Variants in CLCN5 observed in about 807,000 individuals in gnomAD.
CLCN5 encodes the protein H(+)/Cl(-) exchange transporter 5.
Under a neutral mutation model 54.0 loss-of-function variants are expected in CLCN5, and 17 were observed. The ratio of observed to expected loss-of-function variants is 0.31; its 90% CI spans 0.22 to 0.47. The LOEUF (loss-of-function observed/expected upper bound fraction) is 0.47. Among genes scored for constraint, CLCN5 ranks in the 20% least tolerant of loss-of-function variants. The probability of loss-of-function intolerance (pLI) is 1.00; values close to 1 mark genes in which losing one functional copy is unlikely to be tolerated. For missense variants in CLCN5, 448 were observed against 646.7 expected (o/e 0.69, Z 3.33); for synonymous variants, 222 against 233.0 (o/e 0.95, Z 0.43).
At chrX:50,063,692 C>T (rs1255179446) in intron 4 of CLCN5, among the ~76,000 whole-genome samples, 17 of 106,589 alleles carry the variant, frequency 1.6e-4, no homozygotes, top group South Asian at 4.1e-4. Flanking sequence ...CAAAGCCAGG[C>T]AGAGACACAA....
chrX:50,092,047 G>T (rs1934120386), intron 14 of CLCN5, 82 bp from the exon 15 acceptor site: 9 of 695,408 alleles, frequency 1.3e-5, no homozygotes, highest in Non-Finnish European at 2.0e-5. Context: ...GAAAAGGACT[G>T]AGGAGGACAA....
chrX:50,080,301 CAT>C (rs1202980812), intron 7 of CLCN5, among the ~76,000 whole-genome samples: 3 of 111,407 alleles, frequency 2.7e-5, no homozygotes, highest in Non-Finnish European at 5.6e-5. Context: ...TCAAAGCACT[CAT>C]ATAGAAAGAG....
intron 3 of CLCN5, among the ~76,000 whole-genome samples, chrX:49,939,411 G>C (rs782250913): frequency 4.5e-5 from 5 of 111,107 alleles, no homozygotes; most frequent in Non-Finnish European, 9.4e-5. Context: ...ATGATAGACC[G>C]GATTAAGAAA....
chrX:49,957,928 G>T (rs185663740), intron 3 of CLCN5, among the ~76,000 whole-genome samples: 33 of 109,858 alleles, frequency 3.0e-4, no homozygotes, highest in African/African-American at 1.1e-3. Flanking sequence ...GATACAATCC[G>T]CAGGGCTTAT....
intron 4 of CLCN5, chrX:50,067,611 C>G: frequency 1.3e-6 from 1 of 753,588 alleles, no homozygotes; most frequent in Non-Finnish European, 1.6e-6. Context: ...GCGTTTGTTG[C>G]TGTGAAAGGC....
chrX:50,044,935 A>G (rs1280297996), intron 4 of CLCN5, among the ~76,000 whole-genome samples: 1 of 111,533 alleles, frequency 9.0e-6, no homozygotes, highest in African/African-American at 3.3e-5. Flanking sequence ...CACTGGGGAT[A>G]CAGTGGTGGG....
At chrX:49,974,502 G>A (rs1011402911) in intron 3 of CLCN5, among the ~76,000 whole-genome samples, 5 of 110,289 alleles carry the variant, frequency 4.5e-5, no homozygotes, top group Admixed American at 1.9e-4. Flanking sequence ...ATATTGAAGT[G>A]CACATTTAGC....
chrX:49,960,246 G>C (rs1373647716), intron 3 of CLCN5, among the ~76,000 whole-genome samples: 1 of 110,753 alleles, frequency 9.0e-6, no homozygotes, highest in African/African-American at 3.3e-5. Flanking sequence ...TCCAGACCTA[G>C]ATGGACTTCA....
rs1934165835 is a variant in CLCN5, at chrX:50,093,477, G to A, written c.*1258G>A. 8.9e-6 allele frequency: 1 copy of A among 111,812 alleles called. No individual in the cohort carries two copies. Among genetic ancestry groups the A allele is most frequent in the African/African-American group, 3.3e-5 (1 of 30,630 alleles). The allele number at this position is 111,812 out of a possible 1,213,427, so 9.2% of individuals were successfully genotyped here. A position where few individuals can be genotyped will look rare whatever the true frequency, so the allele number is the denominator to read the frequency against. ...AAATGCAGAGCCATCCTAAGACACA[G>A]GGGTATGGACAAGGCCTGGTGACAC... On this transcript the variant is annotated 3_prime_UTR_variant, in exon 15 of 15. Transcript: ENST00000376091.
chrX:50,034,916 C>A (rs1931916661), intron 3 of CLCN5, among the ~76,000 whole-genome samples: 1 of 111,340 alleles, frequency 9.0e-6, no homozygotes, highest in South Asian at 3.9e-4. Flanking sequence ...CCAGACTACT[C>A]CTGCCACACT....
chrX:50,003,521 C>T (rs1929991116), intron 3 of CLCN5: 1 of 381,214 alleles, frequency 2.6e-6, no homozygotes, highest in Non-Finnish European at 5.2e-6. Context: ...CTCTCACATC[C>T]CTTGCATGGT....
chrX:49,954,461 AG>A (rs1347541795), intron 3 of CLCN5, among the ~76,000 whole-genome samples: 2 of 111,455 alleles, frequency 1.8e-5, no homozygotes, highest in Admixed American at 1.9e-4. Flanking sequence ...CCCCTGTTCT[AG>A]ACCATACTCT....
Position 50,034,457 on chromosome X carries a change from T to C in CLCN5, c.17-7859T>C, listed in dbSNP as rs147681684. Reference sequence around the variant, plus strand: ...TTTTCTGTGTTTGCAGTATCCGGCATATATTACTTACCCAGAATGCCATGT... The same window carrying C: ...TTTTCTGTGTTTGCAGTATCCGGCACATATTACTTACCCAGAATGCCATGT... On this transcript the variant is annotated intron_variant, in intron 3 of 14. Transcript: ENST00000376091. 8.2e-3 allele frequency among the ~76,000 whole-genome samples: 913 copies of C among 111,970 alleles called. 8 individuals are homozygous for C. The highest frequency in any genetic ancestry group is 0.028 in the African/African-American group (861 of 30,793).
chrX:49,952,702 G>A (rs368504810), intron 3 of CLCN5, among the ~76,000 whole-genome samples: 1 of 111,324 alleles, frequency 9.0e-6, no homozygotes, highest in Non-Finnish European at 1.9e-5. Flanking sequence ...GTTAAAAATG[G>A]TAATGTAGCT....
intron 3 of CLCN5, among the ~76,000 whole-genome samples, chrX:49,984,060 T>G (rs17174049): frequency 0.061 from 6,750 of 111,436 alleles, 548 homozygotes; most frequent in African/African-American, 0.21. Context: ...TTTAGATGAC[T>G]ACTTCTAATG....
intron 3 of CLCN5, among the ~76,000 whole-genome samples, chrX:49,978,953 A>G (rs1557177317): frequency 2.7e-5 from 3 of 111,227 alleles, no homozygotes. Context: ...TAAATACATC[A>G]CTGGAGATGT....
At chrX:49,945,381 G>C (rs782589207) in intron 3 of CLCN5, 10 of 110,554 alleles carry the variant, frequency 9.0e-5, no homozygotes, top group Non-Finnish European at 1.5e-4. Context: ...CCCTGTGCAG[G>C]GACCATGCTA....
intron 4 of CLCN5, among the ~76,000 whole-genome samples, chrX:50,066,639 T>C (rs1363966678): frequency 2.7e-5 from 3 of 111,801 alleles, no homozygotes; most frequent in Non-Finnish European, 5.6e-5. Flanking sequence ...GCACAATTAA[T>C]TAAGACCTGC....
rs144384766 is a variant in CLCN5, at chrX:50,075,865, G to C, written c.486G>C (p.Gly162=). The change falls in exon 7 of 15, where the codon GGG becomes GGC. Residue 162 remains glycine, a synonymous_variant. Transcript: ENST00000376091. ...ACTTAAAAGAAGGTATATGCACAGG[G>C]GGATTCTGGTTTAACCATGAACATT... ...MTDLKEGICT[G]GFWFNHEHCC... 5.0e-6 allele frequency: 6 copies of C among 1,208,343 alleles called. No individual in the cohort carries two copies. The African/African-American group carries it at 8.8e-5, about 18-fold the overall frequency.
Sources: allele counts gnomAD v4.1 joint callset (sites outside exome capture counted in the v4.1 genomes callset), GRCh38; gene constraint gnomAD v4.1.1; transcripts MANE v1.5; gene names NCBI Gene and HGNC (gene_info 2026-07-23, HGNC 2026-07-21).